The following VRK1 variants were observed in gnomAD, a reference collection of about 807,000 sequenced individuals.
VRK1 encodes the protein VRK serine/threonine kinase 1, also known as serine/threonine-protein kinase VRK1.
VRK1 carries 33 observed loss-of-function variants against 57.1 expected under a neutral mutation model. The observed-to-expected ratio is 0.58, with a 90% CI of 0.44 to 0.77. The LOEUF (loss-of-function observed/expected upper bound fraction) is 0.77, where lower values mean the gene tolerates loss of function less well. VRK1 is among the 30% of genes least tolerant of loss of function. The probability of loss-of-function intolerance (pLI) is 0.00; values close to 1 mark genes in which losing one functional copy is unlikely to be tolerated. For synonymous variants in VRK1, 137 were observed against 147.8 expected (o/e 0.93, Z 0.53); for missense variants, 413 against 477.3 (o/e 0.87, Z 1.25).
intron 12 of VRK1, among the ~76,000 whole-genome samples, chr14:96,879,400 C>T (rs1889165367): frequency 6.6e-6 from 1 of 152,000 alleles, no homozygotes; most frequent in Non-Finnish European, 1.5e-5. Flanking sequence ...AGGAGATGAG[C>T]AGCAGTGATA....
intron 3 of VRK1, among the ~76,000 whole-genome samples, chr14:96,841,069 G>A (rs1389354312): frequency 1.3e-5 from 2 of 151,950 alleles, no homozygotes; most frequent in South Asian, 2.1e-4. Flanking sequence ...TGTTGCCCAG[G>A]CTGGTGTCAA....
At position 96,852,880 on chromosome 14, in the gene VRK1, T is replaced by C. The variant is rs542053278; in HGVS notation, c.424T>C (p.Tyr142His). 6.2e-6 allele frequency: 10 copies of C among 1,613,792 alleles called. No homozygotes were observed. The highest frequency in any genetic ancestry group is 7.6e-6 in the Non-Finnish European group (9 of 1,179,868). ...CTTTGGGAGTGACCTTCAGAAAATA[T>C]ATGAAGCAAATGCCAAAAGGTTTTC... ...DRFGSDLQKI[Y>H]EANAKRFSRK... Residue 142 changes from tyrosine to histidine, a missense_variant, in exon 6 of 13, where the codon TAT becomes CAT. By Grantham distance (83) the Tyr-to-His change is moderately conservative (BLOSUM62 2). Transcript: ENST00000216639.
At chr14:96,870,869 T>C (rs944461624) in intron 11 of VRK1, among the ~76,000 whole-genome samples, 1 of 152,164 alleles carries the variant, frequency 6.6e-6, no homozygotes, top group Non-Finnish European at 1.5e-5. Flanking sequence ...AAGGCAGCTT[T>C]CCCTAGTTCC....
At chr14:96,822,727 T>C (rs765220478) in intron 1 of VRK1, among the ~76,000 whole-genome samples, 5 of 152,232 alleles carry the variant, frequency 3.3e-5, no homozygotes, top group Non-Finnish European at 7.3e-5. Flanking sequence ...TGCATGATTT[T>C]CAATTTGATT....
At chr14:96,823,291 G>T (rs902278716) in intron 1 of VRK1, among the ~76,000 whole-genome samples, 1 of 152,220 alleles carries the variant, frequency 6.6e-6, no homozygotes, top group Non-Finnish European at 1.5e-5. Context: ...TTGAGGTATA[G>T]CAAGTGCCTA....
chr14:96,861,050 G>A (rs377670830), intron 11 of VRK1: 4 of 200,666 alleles, frequency 2.0e-5, no homozygotes, highest in African/African-American at 9.4e-5. Flanking sequence ...CACCACTTAG[G>A]GTTCATCTTG....
chr14:96,869,118 C>G (rs1370158994), intron 11 of VRK1, among the ~76,000 whole-genome samples: 1 of 152,046 alleles, frequency 6.6e-6, no homozygotes, highest in Non-Finnish European at 1.5e-5. Flanking sequence ...TGAATTTTTT[C>G]AAAAAGTTCT....
chr14:96,831,760 T>G (rs1251540563), intron 1 of VRK1, among the ~76,000 whole-genome samples: 1 of 152,184 alleles, frequency 6.6e-6, no homozygotes, highest in Admixed American at 6.5e-5. Flanking sequence ...CTATTTTGAT[T>G]ACTATAAGGA....
At position 96,833,588 on chromosome 14, in the gene VRK1, A is replaced by G. The variant is rs1301973736; in HGVS notation, c.117A>G (p.Val39=). ...ACATGGCAAAAAAGGAATGGAAAGTAGGATTACCCATTGGCCAAGGAGGCT... is the reference window on the plus strand; with the variant it reads ...ACATGGCAAAAAAGGAATGGAAAGTGGGATTACCCATTGGCCAAGGAGGCT... The part of the protein sequence containing the change: ...ITDMAKKEWK[V]GLPIGQGGFG... The change falls in exon 2 of 13, where the codon GTA becomes GTG. Residue 39 remains valine (V), a synonymous_variant. Coordinates refer to ENST00000216639, the MANE Select transcript of VRK1 (RefSeq NM_003384.3). 1 of 1,613,734 alleles carries G rather than the reference A, an allele frequency of 6.2e-7. No homozygotes were observed.
chr14:96,810,329 C>G (rs1205686946), intron 1 of VRK1, among the ~76,000 whole-genome samples: 2 of 152,110 alleles, frequency 1.3e-5, no homozygotes, highest in Non-Finnish European at 2.9e-5. Flanking sequence ...TAATCAATTC[C>G]AATGTATCCA....
intron 3 of VRK1, among the ~76,000 whole-genome samples, chr14:96,845,838 C>G (rs754404391): frequency 6.6e-6 from 1 of 152,152 alleles, no homozygotes; most frequent in Non-Finnish European, 1.5e-5. Flanking sequence ...TCTTAAACTT[C>G]TGCAGGCTGA....
At chr14:96,798,540 T>A (rs139340481) in intron 1 of VRK1, among the ~76,000 whole-genome samples, 75 of 152,380 alleles carry the variant, frequency 4.9e-4, no homozygotes, top group Non-Finnish European at 7.3e-5. Flanking sequence ...GTTGAAGAAC[T>A]TCATTAATTA....
intron 1 of VRK1, among the ~76,000 whole-genome samples, chr14:96,799,947 C>CT (rs776080402): frequency 0.014 from 1,885 of 130,196 alleles, 39 homozygotes; most frequent in South Asian, 0.055. Flanking sequence ...TAGTGTACGT[C>CT]TTTTTTTTTT....
chr14:96,856,912 G>C (rs753437415), intron 10 of VRK1, among the ~76,000 whole-genome samples: 6 of 152,138 alleles, frequency 3.9e-5, no homozygotes, highest in Non-Finnish European at 8.8e-5. Context: ...AGGTTGCAGT[G>C]AGCCGAGATT....
chr14:96,799,590 A>T (rs574781522), intron 1 of VRK1, among the ~76,000 whole-genome samples: 3 of 152,368 alleles, frequency 2.0e-5, no homozygotes, highest in African/African-American at 7.2e-5. Flanking sequence ...CAAATGAAGG[A>T]TGTCTCCTGA....
chr14:96,854,810 A>C (rs1270876939), intron 7 of VRK1, among the ~76,000 whole-genome samples: 1 of 152,204 alleles, frequency 6.6e-6, no homozygotes. Context: ...GCAGTCTTCT[A>C]CTGGGTGTGC....
intron 1 of VRK1, among the ~76,000 whole-genome samples, chr14:96,831,053 T>C (rs1317018327): frequency 1.3e-5 from 2 of 152,108 alleles, no homozygotes; most frequent in African/African-American, 4.8e-5. Flanking sequence ...GCTGTGGGAG[T>C]GGCAGAGCCC....
chr14:96,812,541 T>C (rs1402725013), intron 1 of VRK1, among the ~76,000 whole-genome samples: 1 of 152,248 alleles, frequency 6.6e-6, no homozygotes, highest in Non-Finnish European at 1.5e-5. Context: ...GCCATTTGTT[T>C]ATCTGTTTTG....
At chr14:96,834,248 T>C (rs1887127163) in intron 2 of VRK1, among the ~76,000 whole-genome samples, 1 of 152,198 alleles carries the variant, frequency 6.6e-6, no homozygotes, top group African/African-American at 2.4e-5. Flanking sequence ...CCAATAAATA[T>C]ATTTGCTTCT....
Sources: gnomAD v4.1 joint callset for allele counts (sites outside exome capture counted in the v4.1 genomes callset) on GRCh38, gnomAD v4.1.1 for gene constraint, MANE v1.5 for transcripts, NCBI Gene and HGNC (gene_info 2026-07-23, HGNC 2026-07-21) for gene names.